MACROD2: variants seen among roughly 807,000 people sequenced by gnomAD.
MACROD2 encodes mono-ADP ribosylhydrolase 2, also known as ADP-ribose glycohydrolase MACROD2.
MACROD2 carries 36 observed loss-of-function variants against 70.4 expected under a neutral mutation model. That is an observed-to-expected ratio of 0.51 (90% CI 0.39 to 0.68). The LOEUF (loss-of-function observed/expected upper bound fraction) is 0.68, where lower values mean the gene tolerates loss of function less well. MACROD2 is among the 30% of genes least tolerant of loss of function. The probability of loss-of-function intolerance (pLI) is 0.00; values close to 1 mark genes in which losing one functional copy is unlikely to be tolerated. For missense variants in MACROD2, 496 were observed against 538.4 expected (o/e 0.92, Z 0.78); for synonymous variants, 172 against 178.8 (o/e 0.96, Z 0.30).
At chr20:15,582,235 G>A (rs1370893455) in intron 8 of MACROD2, among the ~76,000 whole-genome samples, 1 of 152,134 alleles carries the variant, frequency 6.6e-6, no homozygotes, top group Non-Finnish European at 1.5e-5. Flanking sequence ...CTAACAGGGA[G>A]CCACTCACCA....
At chr20:15,217,340 CA>C (rs2076819554) in intron 5 of MACROD2, among the ~76,000 whole-genome samples, 1 of 152,170 alleles carries the variant, frequency 6.6e-6, no homozygotes, top group African/African-American at 2.4e-5. Context: ...GATGCTTTCA[CA>C]TATAATACAT....
chr20:14,365,137 A>C (rs2083260108), intron 3 of MACROD2, among the ~76,000 whole-genome samples: 1 of 152,038 alleles, frequency 6.6e-6, no homozygotes, highest in Non-Finnish European at 1.5e-5. Flanking sequence ...TTACTGACTT[A>C]ATCTCTTTAC....
intron 6 of MACROD2, among the ~76,000 whole-genome samples, chr20:15,339,473 G>A (rs1445405981): frequency 6.6e-6 from 1 of 151,794 alleles, no homozygotes; most frequent in Non-Finnish European, 1.5e-5. Flanking sequence ...CTTGCCTACT[G>A]TAGGACAGAT....
intron 2 of MACROD2, among the ~76,000 whole-genome samples, chr20:14,037,489 G>C (rs945890218): frequency 6.6e-6 from 1 of 152,142 alleles, no homozygotes; most frequent in Admixed American, 6.5e-5. Flanking sequence ...ATTGGTGGAC[G>C]TGAAAATATT....
At chr20:15,420,363 A>G (rs79415124) in intron 6 of MACROD2, among the ~76,000 whole-genome samples, 1 of 152,174 alleles carries the variant, frequency 6.6e-6, no homozygotes, top group Non-Finnish European at 1.5e-5. Flanking sequence ...AATGAAGAAA[A>G]CAAAAAGAAA....
chr20:15,296,632 C>A (rs187493678), intron 6 of MACROD2, among the ~76,000 whole-genome samples: 1 of 152,318 alleles, frequency 6.6e-6, no homozygotes, highest in Admixed American at 6.5e-5. Context: ...ATGCCAATCT[C>A]CCCCACTGCA....
At chr20:14,860,401 C>T (rs1266983300) in intron 5 of MACROD2, among the ~76,000 whole-genome samples, 2 of 151,988 alleles carry the variant, frequency 1.3e-5, no homozygotes, top group African/African-American at 4.8e-5. Flanking sequence ...TTCCTCCTCC[C>T]CTTTGTGAAG....
chr20:14,296,804 T>C (rs1601446384), intron 3 of MACROD2, among the ~76,000 whole-genome samples: 1 of 151,960 alleles, frequency 6.6e-6, no homozygotes, highest in East Asian at 1.9e-4. Flanking sequence ...AAATAATTGA[T>C]AGTTTTATAT....
Position 15,987,155 on chromosome 20 carries a change from A to G in MACROD2, c.1150A>G (p.Lys384Glu), listed in dbSNP as rs2066497336. 6.2e-7 allele frequency: 1 copy of G among 1,609,226 alleles called. No individual in the cohort carries two copies. Among genetic ancestry groups the G allele is most frequent in the Non-Finnish European group, 8.5e-7 (1 of 1,178,356 alleles). Residue 384 changes from lysine to glutamate, a missense_variant, in exon 15 of 18, where the codon AAA becomes GAA. By Grantham distance (56) the Lys-to-Glu change is moderately conservative. Transcript: ENST00000684519. Reference sequence around the variant, plus strand: ...GGACCAAGAAGAAAAAGAAGGTGAAAAAGGTAGGACTGCTCTTAAATTAAC... The same window carrying G: ...GGACCAAGAAGAAAAAGAAGGTGAAGAAGGTAGGACTGCTCTTAAATTAAC... The part of the protein sequence containing the change: ...TEDQEEKEGE[K>E]APGEDTPRMP...
chr20:15,996,355 C>T (rs540197910), intron 15 of MACROD2, among the ~76,000 whole-genome samples: 13 of 152,218 alleles, frequency 8.5e-5, no homozygotes, highest in Admixed American at 2.0e-4. Flanking sequence ...ATGCTGGCCC[C>T]ATAAAATGAA....
intron 8 of MACROD2, among the ~76,000 whole-genome samples, chr20:15,594,486 T>C (rs2048721599): frequency 6.6e-6 from 1 of 152,158 alleles, no homozygotes; most frequent in South Asian, 2.1e-4. Flanking sequence ...TGGGCTGCCC[T>C]CCAGAAAGGC....
At chr20:15,192,791 G>T (rs1456311290) in intron 5 of MACROD2, among the ~76,000 whole-genome samples, 2 of 152,106 alleles carry the variant, frequency 1.3e-5, no homozygotes, top group Admixed American at 6.5e-5. Context: ...AACAGCAGAG[G>T]GTTCTAGGAG....
chr20:14,355,925 A>C (rs1014870995), intron 3 of MACROD2, among the ~76,000 whole-genome samples: 1 of 152,090 alleles, frequency 6.6e-6, no homozygotes, highest in Non-Finnish European at 1.5e-5. Context: ...AACATTTGGT[A>C]GTGTGTCTTT....
intron 2 of MACROD2, among the ~76,000 whole-genome samples, chr20:14,027,165 C>CT (rs1569122693): frequency 6.6e-6 from 1 of 152,124 alleles, no homozygotes; most frequent in Non-Finnish European, 1.5e-5. Flanking sequence ...CCTTTTCATT[C>CT]TTTTTTTCTC....
At chr20:14,297,973 C>T (rs1294847221) in intron 3 of MACROD2, among the ~76,000 whole-genome samples, 1 of 151,764 alleles carries the variant, frequency 6.6e-6, no homozygotes, top group Non-Finnish European at 1.5e-5. Flanking sequence ...TATCCTAGTG[C>T]TAATAAGAAT....
intron 5 of MACROD2, among the ~76,000 whole-genome samples, chr20:14,940,593 G>C (rs963939525): frequency 4.6e-5 from 7 of 152,066 alleles, no homozygotes; most frequent in African/African-American, 1.7e-4. Context: ...AGTTTTTGGA[G>C]CATTTTATCA....
chr20:15,851,500 G>C (rs78435398), intron 8 of MACROD2, among the ~76,000 whole-genome samples: 2 of 152,018 alleles, frequency 1.3e-5, no homozygotes, highest in African/African-American at 2.4e-5. Context: ...GTGCATGTCC[G>C]TGTCCAAACC....
At chr20:15,951,142 A>G (rs2065897849) in intron 12 of MACROD2, among the ~76,000 whole-genome samples, 3 of 152,038 alleles carry the variant, frequency 2.0e-5, no homozygotes, top group African/African-American at 7.2e-5. Context: ...ATGGTTATGG[A>G]GTGGTATCGG....
intron 6 of MACROD2, among the ~76,000 whole-genome samples, chr20:15,423,690 G>A (rs895059249): frequency 6.6e-6 from 1 of 152,068 alleles, no homozygotes; most frequent in Admixed American, 6.5e-5. Context: ...TGAGGGAAGG[G>A]CTCCACCCTT....
Sources: gnomAD v4.1 joint callset for allele counts (sites outside exome capture counted in the v4.1 genomes callset) on GRCh38, gnomAD v4.1.1 for gene constraint, MANE v1.5 for transcripts, NCBI Gene and HGNC (gene_info 2026-07-23, HGNC 2026-07-21) for gene names.